The following SEMA4G variants were observed in gnomAD, a reference collection of about 807,000 sequenced individuals.
The protein encoded by SEMA4G is semaphorin 4G.
A neutral mutation model predicts 81.2 loss-of-function variants in SEMA4G; 59 were observed. That is an observed-to-expected ratio of 0.73 (90% CI 0.59 to 0.90). The LOEUF (loss-of-function observed/expected upper bound fraction) is 0.90, where lower values mean the gene tolerates loss of function less well. Among genes scored for constraint, SEMA4G ranks in the 40% least tolerant of loss-of-function variants. The pLI is 0.00. For synonymous variants in SEMA4G, 404 were observed against 433.9 expected (o/e 0.93, Z 0.86); for missense variants, 952 against 1,102.3 (o/e 0.86, Z 1.93).
exon 14 of SEMA4G, chr10:100,984,785 A>G: frequency 6.5e-7 from 1 of 1,535,804 alleles, no homozygotes; most frequent in Non-Finnish European, 8.7e-7. Context: ...AGAGCTTGGG[A>G]ACGGGCCAGC....
chr10:100,970,499 G>A (rs1850599396), upstream of SEMA4G, among the ~76,000 whole-genome samples: 1 of 151,882 alleles, frequency 6.6e-6, no homozygotes, highest in South Asian at 2.1e-4. Context: ...CTTGACTCAT[G>A]CACCCATCCC....
exon 9 of SEMA4G, chr10:100,979,991 C>T (rs749676557): frequency 5.0e-6 from 8 of 1,613,856 alleles, no homozygotes; most frequent in Middle Eastern, 1.6e-4. Flanking sequence ...CGGCCTGGCT[C>T]GGTGAGTGCC....
chr10:100,979,403 A>G (rs748005541), intron 8 of SEMA4G, 132 bp downstream of exon 9: 1 of 1,574,554 alleles, frequency 6.4e-7, no homozygotes, highest in East Asian at 2.3e-5. Flanking sequence ...TTTTTTTTTA[A>G]GAGGGAGTCT....
At position 100,983,532 on chromosome 10, in the gene SEMA4G, C is replaced by T. The variant is rs866091256; in HGVS notation, c.1918C>T (p.Arg640Cys). ...CTGCTATGCCGAGGAAAATGGCCTC[C>T]GCACCCTGCTGGCCTCCTATAGTCT... The change falls in exon 14 of 14, where the codon CGC becomes TGC. Residue 640 changes from arginine (R) to cysteine (C), a missense_variant. Physicochemically the swap from Arg to Cys is radical, Grantham distance 180 (BLOSUM62 -3). This residue lies in a region of SEMA4G where 385 missense variants were observed against 413.5 expected (regional missense o/e 0.93). Transcript: ENST00000370250. 19 of 1,614,014 alleles carry T rather than the reference C, an allele frequency of 1.2e-5. No individual in the cohort carries two copies. The highest frequency in any genetic ancestry group is 1.3e-5 in the Non-Finnish European group (15 of 1,180,016).
chr10:100,980,071 G>A lies in SEMA4G; in HGVS notation c.1129-51G>A, dbSNP rs1347082657. The A allele has an allele frequency of 6.8e-6, 11 of 1,612,160 alleles. No individual in the cohort carries two copies. The African/African-American group carries it at 8.0e-5, about 12-fold the overall frequency. On this transcript the variant is annotated intron_variant, in intron 9 of 13. Transcript: ENST00000370250. ...CAAAGGGTCTGGCCTTGTGGAGAGG[G>A]CAGGCAGGTGGTGGAGTCCCGAGGT...
intron 3 of SEMA4G, among the ~76,000 whole-genome samples, chr10:100,977,107 A>G (rs1047082606): frequency 3.9e-5 from 6 of 152,198 alleles, no homozygotes; most frequent in Admixed American, 6.5e-5. Context: ...TGAGGTGGGA[A>G]AGACTGGATA....
chr10:100,979,790 T>C (rs1242655590), intron 8 of SEMA4G, 58 bp from the exon 10 acceptor site: 30 of 1,595,442 alleles, frequency 1.9e-5, no homozygotes, highest in Admixed American at 8.4e-5. Context: ...TGAGCACGAG[T>C]TGGGGGGCAG....
rs758507596 is a variant in SEMA4G at position 100,973,305 on chromosome 10, G to A, written c.273+28G>A. The A allele has an allele frequency of 3.7e-6, 6 of 1,610,444 alleles. No individual in the cohort carries two copies. The highest frequency in any genetic ancestry group is 5.1e-6 in the Non-Finnish European group (6 of 1,179,766). Reference sequence around the variant, plus strand: ...CAGGCCCTGGAACCTGGACCACCCAGAGGGTCTCTATGCTTATCCAGCTCC... The same window carrying A: ...CAGGCCCTGGAACCTGGACCACCCAAAGGGTCTCTATGCTTATCCAGCTCC... On this transcript the variant is annotated intron_variant, in intron 2 of 13. Transcript: ENST00000370250. This position sits in a 1 kb window ranked among gnomAD's most constrained non-coding sequence, Gnocchi z 5.5.
At chr10:100,974,734 G>A (rs1172316202) in intron 3 of SEMA4G, among the ~76,000 whole-genome samples, 1 of 152,196 alleles carries the variant, frequency 6.6e-6, no homozygotes, top group Non-Finnish European at 1.5e-5. Context: ...TGAAGCATCA[G>A]CCCTTTCCAG....
At chr10:100,984,329 C>G in exon 14 of SEMA4G, 1 of 1,437,492 alleles carries the variant, frequency 7.0e-7, no homozygotes, top group Non-Finnish European at 9.1e-7. Flanking sequence ...CACATGTGAG[C>G]AGCCCAGGCC....
At chr10:100,977,202 C>T (rs1031275798) in intron 3 of SEMA4G, among the ~76,000 whole-genome samples, 1 of 152,042 alleles carries the variant, frequency 6.6e-6, no homozygotes, top group Non-Finnish European at 1.5e-5. Flanking sequence ...CCTGGGATAT[C>T]GGGTGGAGAG....
intron 10 of SEMA4G, 33 bp from the exon 12 acceptor site, chr10:100,980,545 T>A (rs1325217375): frequency 6.4e-7 from 1 of 1,558,986 alleles, no homozygotes; most frequent in South Asian, 1.1e-5. Context: ...GATCCCATAG[T>A]TGGGGTCTAA....
At chr10:100,971,093 T>G (rs546175452), upstream of SEMA4G, among the ~76,000 whole-genome samples, 1 of 149,628 alleles carries the variant, frequency 6.7e-6, no homozygotes, top group South Asian at 2.2e-4. Flanking sequence ...TGAATCCACG[T>G]GTTCACAGTC....
rs761134134 is a variant in SEMA4G at position 100,983,719 on chromosome 10, G to A, written c.2105G>A (p.Arg702Gln). ...TCCCTCCTCTATGTGGCCTGTCTGC[G>A]GGAAGGCAGACGAGGGCGCCGACGG... The change falls in exon 14 of 14, where the codon CGG becomes CAG. Residue 702 changes from arginine (R) to glutamine (Q), a missense_variant. Around this residue, in one of 3 missense-constraint regions of SEMA4G, gnomAD observed 385 missense variants for 413.5 expected, o/e 0.93. Coordinates refer to ENST00000370250, the Ensembl canonical transcript of SEMA4G. The A allele has an allele frequency of 2.0e-5, 32 of 1,613,394 alleles. No homozygotes were observed. The highest frequency in any genetic ancestry group is 3.3e-5 in the South Asian group (3 of 90,962).
chr10:100,984,968 T>C, downstream of SEMA4G: 1 of 1,397,796 alleles, frequency 7.2e-7, no homozygotes, highest in South Asian at 1.5e-5. Flanking sequence ...TGTGCTTACA[T>C]TTCCACTCAC....
chr10:100,981,394 T>G (rs1202584014), intron 13 of SEMA4G, 165 bp downstream of exon 14: 10 of 1,612,772 alleles, frequency 6.2e-6, no homozygotes, highest in Non-Finnish European at 8.5e-6. Context: ...CAACAAACAT[T>G]TACTGCCCAA....
At chr10:100,985,016 C>G, downstream of SEMA4G, 1 of 1,141,862 alleles carries the variant, frequency 8.8e-7, no homozygotes, top group Non-Finnish European at 1.2e-6. Context: ...TTGGACCTGT[C>G]TGTTGGGTTT....
At chr10:100,980,429 G>A (rs1564797081) in intron 10 of SEMA4G, 85 bp downstream of exon 11, 4 of 1,432,684 alleles carry the variant, frequency 2.8e-6, no homozygotes, top group Non-Finnish European at 3.9e-6. Context: ...GACTAGTCTG[G>A]AGTTCCCAGT....
chr10:100,972,325 G>A (rs1414898608), upstream of SEMA4G, among the ~76,000 whole-genome samples: 1 of 151,876 alleles, frequency 6.6e-6, no homozygotes. Context: ...GGGCATCTAG[G>A]GTCTTGTAAG....
Sources: gnomAD v4.1 joint callset for allele counts (sites outside exome capture counted in the v4.1 genomes callset) on GRCh38, gnomAD v4.1.1 for gene constraint, gnomAD v4.1.1 regional missense constraint, Gnocchi (gnomAD v3.1) non-coding constraint, MANE v1.5 for transcripts, NCBI Gene and HGNC (gene_info 2026-07-23, HGNC 2026-07-21) for gene names.